RP1: variants seen among roughly 807,000 people sequenced by gnomAD.
RP1 encodes RP1 axonemal microtubule associated, also known as oxygen-regulated protein 1.
A neutral mutation model predicts 14.8 loss-of-function variants in RP1; 16 were observed. The ratio of observed to expected loss-of-function variants is 1.08; its 90% CI spans 0.73 to 1.65. The LOEUF is 1.65. RP1 is among the 40% of genes most tolerant of loss of function. The pLI is 0.00. For missense variants in RP1, 2,631 were observed against 2,535.0 expected (o/e 1.04, Z -0.81); for synonymous variants, 876 against 883.6 (o/e 0.99, Z 0.15).
chr8:54,670,918 C>A (rs1807166140), intron 7 of RP1, among the ~76,000 whole-genome samples: 1 of 151,372 alleles, frequency 6.6e-6, no homozygotes, highest in Non-Finnish European at 1.5e-5. Context: ...TTACCGCAAG[C>A]CTCTGGATCC....
chr8:54,575,909 C>T (rs1804630397), intron 1 of RP1, among the ~76,000 whole-genome samples: 1 of 152,174 alleles, frequency 6.6e-6, no homozygotes, highest in Non-Finnish European at 1.5e-5. Context: ...TGTTCTTTCT[C>T]ACGTGAGTGT....
intron 1 of RP1, among the ~76,000 whole-genome samples, chr8:54,606,001 G>A (rs1328361011): frequency 6.6e-6 from 1 of 151,276 alleles, no homozygotes; most frequent in African/African-American, 2.4e-5. Flanking sequence ...TATCCAATTT[G>A]CCAGTCTGTG....
intron 15 of RP1, among the ~76,000 whole-genome samples, chr8:54,717,282 G>C (rs1808425963): frequency 6.6e-6 from 1 of 152,156 alleles, no homozygotes; most frequent in Non-Finnish European, 1.5e-5. Context: ...TCAAAGCTGA[G>C]CAAAGATGTT....
Position 54,666,711 on chromosome 8 carries a change from G to C in RP1, c.1323+2861G>C, listed in dbSNP as rs145815664. Among the ~76,000 whole-genome samples, 232 of 152,012 alleles carry C rather than the reference G, an allele frequency of 1.5e-3. 1 individual carries two copies. Among genetic ancestry groups the C allele is most frequent in the African/African-American group, 5.0e-3 (207 of 41,476 alleles). On this transcript the variant is annotated intron_variant, in intron 7 of 22. Transcript: ENST00000636932. ...CAGCAGCTGGGATTGTGTGCAGTCA[G>C]ACCTCTTCCAGGGAGAAACTGGAAG...
intron 24 of RP1, among the ~76,000 whole-genome samples, chr8:54,794,666 G>A (rs1585698761): frequency 6.6e-6 from 1 of 151,908 alleles, no homozygotes; most frequent in East Asian, 1.9e-4. Flanking sequence ...CTATGTTTTG[G>A]CAATGATGTT....
chr8:54,564,661 C>T (rs1804361333), intron 1 of RP1, among the ~76,000 whole-genome samples: 1 of 152,142 alleles, frequency 6.6e-6, no homozygotes, highest in Admixed American at 6.6e-5. Flanking sequence ...CAGCTGTTTC[C>T]ACTCCGAACC....
chr8:54,755,959 T>C (rs966250184), intron 21 of RP1, among the ~76,000 whole-genome samples: 3 of 152,148 alleles, frequency 2.0e-5, no homozygotes, highest in Non-Finnish European at 2.9e-5. Flanking sequence ...AAATGGGACA[T>C]ACTAAACCAA....
intron 28 of RP1, chr8:54,869,763 TG>T: frequency 2.0e-6 from 1 of 496,212 alleles, no homozygotes; most frequent in Non-Finnish European, 3.2e-6. Flanking sequence ...TCTTTCCATA[TG>T]TTTTTTTTTC....
At chr8:54,584,017 C>T (rs1804858588) in intron 1 of RP1, among the ~76,000 whole-genome samples, 1 of 151,906 alleles carries the variant, frequency 6.6e-6, no homozygotes, top group Non-Finnish European at 1.5e-5. Context: ...CTTCTCTGAT[C>T]TTAGTTATTT....
At chr8:54,622,980 G>A (rs754396844) in intron 3 of RP1, among the ~76,000 whole-genome samples, 62 of 152,156 alleles carry the variant, frequency 4.1e-4, no homozygotes, top group African/African-American at 1.4e-3. Context: ...GGGAAGACAA[G>A]CTCTTTGCTA....
intron 7 of RP1, among the ~76,000 whole-genome samples, chr8:54,672,673 A>G: frequency 6.6e-6 from 1 of 152,116 alleles, no homozygotes; most frequent in East Asian, 1.9e-4. Context: ...AGCCAGTTTT[A>G]TTGTTGAATG....
intron 12 of RP1, among the ~76,000 whole-genome samples, chr8:54,697,733 A>G (rs981728342): frequency 6.6e-6 from 1 of 152,148 alleles, no homozygotes. Flanking sequence ...CAGAAATAAC[A>G]CCACACATCT....
chr8:54,599,236 G>C (rs1805216886), intron 1 of RP1, among the ~76,000 whole-genome samples: 2 of 151,844 alleles, frequency 1.3e-5, no homozygotes, highest in Non-Finnish European at 2.9e-5. Context: ...ATGCTGTTGA[G>C]CCCACTCATT....
At chr8:54,577,472 C>T (rs1022632865) in intron 1 of RP1, among the ~76,000 whole-genome samples, 1 of 152,086 alleles carries the variant, frequency 6.6e-6, no homozygotes, top group South Asian at 2.1e-4. Context: ...AAGAATATGC[C>T]TTCTATGTGG....
At chr8:54,738,842 A>G in intron 18 of RP1, 1 of 647,972 alleles carries the variant, frequency 1.5e-6, no homozygotes, top group South Asian at 3.0e-5. Context: ...CTTTTTAACT[A>G]TTAGGAACAA....
At chr8:54,751,401 G>GTTC (rs1809366555) in intron 19 of RP1, among the ~76,000 whole-genome samples, 1 of 152,088 alleles carries the variant, frequency 6.6e-6, no homozygotes, top group Non-Finnish European at 1.5e-5. Context: ...CTGTGTGGTG[G>GTTC]GAGGAAGTGC....
At chr8:54,866,735 C>T (rs189958403) in intron 28 of RP1, among the ~76,000 whole-genome samples, 8 of 152,176 alleles carry the variant, frequency 5.3e-5, no homozygotes, top group Admixed American at 2.0e-4. Context: ...CAGTTTCTGT[C>T]GGCAAGGACC....
intron 24 of RP1, among the ~76,000 whole-genome samples, chr8:54,802,427 T>C (rs892974589): frequency 2.0e-5 from 3 of 152,164 alleles, no homozygotes; most frequent in Non-Finnish European, 2.9e-5. Flanking sequence ...GGCTTTTTAG[T>C]GAGGATAAAA....
chr8:54,670,709 AAC>A (rs1807160848), intron 7 of RP1, among the ~76,000 whole-genome samples: 8 of 134,950 alleles, frequency 5.9e-5, no homozygotes, highest in Non-Finnish European at 9.4e-5. Flanking sequence ...ATATATATAA[AAC>A]ATTAAGTCCT....
Sources: gnomAD v4.1 joint callset for allele counts (sites outside exome capture counted in the v4.1 genomes callset) on GRCh38, gnomAD v4.1.1 for gene constraint, MANE v1.5 for transcripts, NCBI Gene and HGNC (gene_info 2026-07-23, HGNC 2026-07-21) for gene names.